ADAM17: variants seen among roughly 807,000 people sequenced by gnomAD.
ADAM17 encodes ADAM metallopeptidase domain 17, also known as disintegrin and metalloproteinase domain-containing protein 17.
ADAM17 carries 39 observed loss-of-function variants against 96.7 expected under a neutral mutation model. That is an observed-to-expected ratio of 0.40 (90% CI 0.31 to 0.53). The LOEUF (loss-of-function observed/expected upper bound fraction) is 0.53, where lower values mean the gene tolerates loss of function less well. Ranked by LOEUF, ADAM17 falls within the 20% of genes least tolerant of loss-of-function variation. ADAM17 has a pLI of 0.44. For synonymous variants in ADAM17, 344 were observed against 359.2 expected (o/e 0.96, Z 0.48); for missense variants, 777 against 1,013.2 (o/e 0.77, Z 3.17).
intron 10 of ADAM17, among the ~76,000 whole-genome samples, chr2:9,514,512 AATATAAATATATATATATATATATATAT>A (rs1572921454): frequency 1.1e-5 from 1 of 89,240 alleles, no homozygotes; most frequent in Non-Finnish European, 2.1e-5. Context: ...TTAAATTTAA[AATATAAATATATATATATATATATATAT>A]ATATATATAT....
At position 9,523,333 on chromosome 2, in the gene ADAM17, CTCTA is replaced by C. The variant is rs1558514834; in HGVS notation, c.755_758del (p.Ile252SerfsTer2). 6.2e-7 allele frequency: 1 copy of C among 1,610,688 alleles called. No homozygotes were observed. The highest frequency in any genetic ancestry group is 8.5e-7 in the Non-Finnish European group (1 of 1,177,622). On this transcript the variant is annotated frameshift_variant and splice_region_variant, in exon 7 of 19. Transcript: ENST00000310823. LOFTEE classifies it high-confidence loss of function. ...AGATGTCATCAACTCTGTCAATTAG[CTCTA>C]TCTGTGTGTATTTAAAAAAGAAAAA...
At chr2:9,548,328 T>C (rs1224491359) in intron 1 of ADAM17, among the ~76,000 whole-genome samples, 3 of 151,264 alleles carry the variant, frequency 2.0e-5, no homozygotes, top group African/African-American at 7.3e-5. Flanking sequence ...TGAGACTCCA[T>C]CCCCCCCAAA....
intron 1 of ADAM17, among the ~76,000 whole-genome samples, chr2:9,550,291 C>T (rs1225049113): frequency 1.3e-5 from 2 of 152,168 alleles, no homozygotes; most frequent in East Asian, 1.9e-4. Context: ...TCAAGAGCTC[C>T]TCAACAGACC....
rs1663937104 is a variant in ADAM17, at chr2:9,514,523, ATATATATATAT to A, written c.1191+3367_1191+3377del. Among the ~76,000 whole-genome samples, 33 of 4,696 alleles carry A rather than the reference ATATATATATAT, an allele frequency of 7.0e-3. 3 individuals are homozygous for A. The highest frequency in any genetic ancestry group is 0.032 in the Admixed American group (33 of 1,016). The allele number at this position is 4,696 out of a possible 152,430, so 3.1% of individuals were successfully genotyped here. On this transcript the variant is annotated intron_variant, in intron 10 of 18. Transcript: ENST00000310823. ...GAACTTAAATTTAAAATATAAATAT[ATATATATATAT>A]ATATATATATATATATATATATATA...
intron 5 of ADAM17, among the ~76,000 whole-genome samples, chr2:9,526,804 AT>A (rs1664550299): frequency 6.6e-6 from 1 of 152,118 alleles, no homozygotes; most frequent in South Asian, 2.1e-4. Context: ...CTCTAAATAA[AT>A]AAATAAATAA....
intron 1 of ADAM17, among the ~76,000 whole-genome samples, chr2:9,552,789 T>A (rs1448451283): frequency 1.3e-5 from 2 of 152,230 alleles, no homozygotes; most frequent in African/African-American, 4.8e-5. Context: ...TCCTAAATTA[T>A]GCAATTCATA....
chr2:9,524,693 C>T (rs1344259561), intron 6 of ADAM17, among the ~76,000 whole-genome samples: 1 of 152,158 alleles, frequency 6.6e-6, no homozygotes, highest in Non-Finnish European at 1.5e-5. Flanking sequence ...CCACTCTCAC[C>T]CCAAAAAGTT....
intron 2 of ADAM17, among the ~76,000 whole-genome samples, chr2:9,539,061 G>C (rs1418331400): frequency 6.6e-6 from 1 of 151,802 alleles, no homozygotes; most frequent in African/African-American, 2.4e-5. Context: ...TATCAAAACA[G>C]TATATACTCC....
In ADAM17 at chr2:9,536,942, C is replaced by G. The variant is rs1664983389; in HGVS notation, c.231-114G>C. On this transcript the variant is annotated intron_variant, in intron 2 of 18. Coordinates refer to ENST00000310823, the MANE Select transcript of ADAM17 (RefSeq NM_003183.6). ...GCATTGACATTAATAAAACACTATG[C>G]AAGTTACAACTAAAGTCTTATTAGG... 6 of 1,201,864 alleles carry G rather than the reference C, an allele frequency of 5.0e-6. No individual in the cohort carries two copies. In the South Asian group the frequency reaches 7.5e-5, roughly 15 times the overall value. The allele number at this position is 1,201,864 out of a possible 1,614,324, so 74.4% of individuals were successfully genotyped here.
chr2:9,498,144 C>T (rs182253897), intron 13 of ADAM17, among the ~76,000 whole-genome samples: 236 of 152,312 alleles, frequency 1.5e-3, no homozygotes, highest in Non-Finnish European at 1.2e-3. Context: ...ATCCTCCTGC[C>T]TCAGCCTCAC....
intron 10 of ADAM17, among the ~76,000 whole-genome samples, chr2:9,516,807 G>C (rs138352392): frequency 0.013 from 1,953 of 152,106 alleles, 17 homozygotes; most frequent in Non-Finnish European, 0.019. Flanking sequence ...ATACTAATAT[G>C]TCCTACCAAC....
intron 11 of ADAM17, among the ~76,000 whole-genome samples, chr2:9,507,543 G>A (rs1023230259): frequency 6.6e-6 from 1 of 152,050 alleles, no homozygotes; most frequent in Admixed American, 6.6e-5. Flanking sequence ...AAACATAGAA[G>A]ATGCACATTA....
chr2:9,512,966 T>C (rs1325086680), intron 10 of ADAM17, among the ~76,000 whole-genome samples: 2 of 152,096 alleles, frequency 1.3e-5, no homozygotes, highest in East Asian at 1.9e-4. Context: ...CCTCGCCCTA[T>C]GTATCCCTTC....
chr2:9,525,561 A>C (rs146802756), intron 6 of ADAM17, among the ~76,000 whole-genome samples: 1 of 152,342 alleles, frequency 6.6e-6, no homozygotes, highest in African/African-American at 2.4e-5. Context: ...TTCAAAAATC[A>C]TAATAGTTCA....
chr2:9,526,349 C>G (rs1664530411), intron 5 of ADAM17, 105 bp from the exon 6 acceptor site: 1 of 1,136,694 alleles, frequency 8.8e-7, no homozygotes. Context: ...ATTATGTGAG[C>G]TTAATATCAC....
chr2:9,535,369 T>G (rs2177637), intron 4 of ADAM17, among the ~76,000 whole-genome samples: 2 of 152,266 alleles, frequency 1.3e-5, no homozygotes, highest in Non-Finnish European at 2.9e-5. Context: ...TGATTTCTAT[T>G]GCTACTCTTT....
intron 10 of ADAM17, among the ~76,000 whole-genome samples, chr2:9,516,365 T>C (rs953387750): frequency 8.5e-5 from 13 of 152,138 alleles, no homozygotes; most frequent in African/African-American, 3.1e-4. Context: ...CCGAAGATTA[T>C]AGGAATGAGC....
chr2:9,540,060 C>T (rs1030680793), intron 2 of ADAM17, among the ~76,000 whole-genome samples: 6 of 152,102 alleles, frequency 3.9e-5, no homozygotes, highest in Non-Finnish European at 4.4e-5. Context: ...TTAATATTTT[C>T]TTAGGGAATC....
Position 9,536,807 on chromosome 2 carries a change from T to C in ADAM17, c.252A>G (p.Thr84=), listed in dbSNP as rs1664979136. The change falls in exon 3 of 19, where the codon ACA becomes ACG. Residue 84 remains threonine (T), a synonymous_variant. Transcript: ENST00000310823. The part of the protein sequence containing the change: ...ALKRHFKLYL[T]SSTERFSQNF... Reference sequence around the variant, plus strand: ...TTTGTGAAAAACGTTCAGTACTTGATGTCAGGTATAATTTAAAATGCCTGA... The same window carrying C: ...TTTGTGAAAAACGTTCAGTACTTGACGTCAGGTATAATTTAAAATGCCTGA... 1 of 1,614,056 alleles carries C rather than the reference T, an allele frequency of 6.2e-7. No individual in the cohort carries two copies. Among genetic ancestry groups the C allele is most frequent in the African/African-American group, 1.3e-5 (1 of 75,052 alleles).
Sources: allele counts gnomAD v4.1 joint callset (sites outside exome capture counted in the v4.1 genomes callset), GRCh38; gene constraint gnomAD v4.1.1; transcripts MANE v1.5; gene names NCBI Gene and HGNC (gene_info 2026-07-23, HGNC 2026-07-21).